The following TMCC1 variants were observed in gnomAD, a reference collection of about 807,000 sequenced individuals.
The protein encoded by TMCC1 is transmembrane and coiled-coil domain family 1.
Under a neutral mutation model 52.4 loss-of-function variants are expected in TMCC1, and 15 were observed. The ratio of observed to expected loss-of-function variants is 0.29; its 90% CI spans 0.19 to 0.44. The LOEUF (loss-of-function observed/expected upper bound fraction) is 0.44. Ranked by LOEUF, TMCC1 falls within the 20% of genes least tolerant of loss-of-function variation. TMCC1 has a pLI of 1.00. For synonymous variants in TMCC1, 279 were observed against 301.9 expected, an observed-to-expected ratio of 0.92 and a Z score of 0.79; for missense variants, 503 against 806.0, an observed-to-expected ratio of 0.62 and a Z score of 4.55.
chr3:129,875,285 C>T (rs867242570), intron 2 of TMCC1, among the ~76,000 whole-genome samples: 11 of 151,550 alleles, frequency 7.3e-5, no homozygotes, highest in South Asian at 2.1e-4. Context: ...GTCAGGAGTT[C>T]GAAACCAGCC....
chr3:129,791,536 A>T (rs7375000), intron 4 of TMCC1, among the ~76,000 whole-genome samples: 131,903 of 152,170 alleles, frequency 0.87, 57,864 homozygotes, highest in East Asian at 1. Flanking sequence ...AATGATAAAA[A>T]ACAAGCTGAT....
intron 2 of TMCC1, among the ~76,000 whole-genome samples, chr3:129,866,210 G>T (rs892978986): frequency 1.4e-5 from 2 of 148,102 alleles, no homozygotes; most frequent in Non-Finnish European, 3.0e-5. Flanking sequence ...TTTCCTAATG[G>T]TGTACAAAGA....
intron 4 of TMCC1, among the ~76,000 whole-genome samples, chr3:129,802,253 C>G (rs1055962061): frequency 6.6e-6 from 1 of 152,102 alleles, no homozygotes; most frequent in Non-Finnish European, 1.5e-5. Flanking sequence ...AGGACAAAAC[C>G]AAATGTCTTA....
intron 4 of TMCC1, among the ~76,000 whole-genome samples, chr3:129,680,109 T>TAA (rs1193480449): frequency 1.3e-5 from 2 of 152,214 alleles, no homozygotes; most frequent in Non-Finnish European, 2.9e-5. Context: ...CTTGCATGAA[T>TAA]TGCCCTAAAA....
intron 5 of TMCC1, among the ~76,000 whole-genome samples, chr3:129,664,993 A>G: frequency 6.6e-6 from 1 of 152,214 alleles, no homozygotes; most frequent in East Asian, 1.9e-4. Flanking sequence ...AGTACTGTGA[A>G]CCCAGCTGCC....
intron 4 of TMCC1, 32 bp downstream of exon 4, chr3:129,827,771 G>A (rs1307450230): frequency 6.3e-7 from 1 of 1,597,046 alleles, no homozygotes; most frequent in Admixed American, 1.7e-5. Flanking sequence ...AAAACAGTAA[G>A]TTAACAGAAA....
chr3:129,736,671 G>A (rs1382984704), intron 4 of TMCC1, among the ~76,000 whole-genome samples: 5 of 151,650 alleles, frequency 3.3e-5, no homozygotes, highest in African/African-American at 1.2e-4. Context: ...ACAGGCGCCC[G>A]CCACCACGCC....
chr3:129,779,930 C>T (rs1229878285), intron 4 of TMCC1, among the ~76,000 whole-genome samples: 4 of 152,126 alleles, frequency 2.6e-5, no homozygotes, highest in South Asian at 4.1e-4. Context: ...CACTTTAATC[C>T]TTAGCTGCCA....
At chr3:129,858,631 C>A (rs1261531822) in intron 2 of TMCC1, among the ~76,000 whole-genome samples, 2 of 152,144 alleles carry the variant, frequency 1.3e-5, no homozygotes, top group Admixed American at 1.3e-4. Flanking sequence ...CTCAGCCTCC[C>A]AAAGTGCTGG....
chr3:129,854,558 C>A (rs1300972877), intron 2 of TMCC1, among the ~76,000 whole-genome samples: 2 of 152,050 alleles, frequency 1.3e-5, no homozygotes, highest in Non-Finnish European at 2.9e-5. Flanking sequence ...AAACCATGAT[C>A]TTTTTCTCTC....
At chr3:129,813,206 G>A (rs554485814) in intron 4 of TMCC1, among the ~76,000 whole-genome samples, 151 of 152,266 alleles carry the variant, frequency 9.9e-4, no homozygotes, top group African/African-American at 3.4e-3. Flanking sequence ...CTTACACACT[G>A]CCAGTAGGAA....
At chr3:129,837,181 T>C (rs150277357) in intron 2 of TMCC1, among the ~76,000 whole-genome samples, 4 of 151,954 alleles carry the variant, frequency 2.6e-5, no homozygotes, top group Admixed American at 2.0e-4. Flanking sequence ...AAGAAGGGAA[T>C]AGTCTTCTGA....
intron 4 of TMCC1, among the ~76,000 whole-genome samples, chr3:129,805,004 G>T (rs1437695873): frequency 6.6e-6 from 1 of 152,034 alleles, no homozygotes; most frequent in Non-Finnish European, 1.5e-5. Flanking sequence ...GCCAAAAACT[G>T]CTCCAGTATT....
At chr3:129,721,801 A>G (rs1576580324) in intron 4 of TMCC1, among the ~76,000 whole-genome samples, 1 of 151,690 alleles carries the variant, frequency 6.6e-6, no homozygotes. Flanking sequence ...GCGTGAACCC[A>G]GGAGGCAGAG....
chr3:129,821,249 C>T (rs2058405136), intron 4 of TMCC1, among the ~76,000 whole-genome samples: 3 of 151,510 alleles, frequency 2.0e-5, no homozygotes, highest in Non-Finnish European at 4.4e-5. Context: ...TGTACATGTG[C>T]AAAGAGCTTA....
intron 4 of TMCC1, among the ~76,000 whole-genome samples, chr3:129,741,925 T>C (rs555709397): frequency 6.6e-6 from 1 of 152,278 alleles, no homozygotes; most frequent in African/African-American, 2.4e-5. Context: ...ATAATTCACA[T>C]AATTTATCTA....
At chr3:129,739,834 G>T (rs1402284439) in intron 4 of TMCC1, among the ~76,000 whole-genome samples, 1 of 152,172 alleles carries the variant, frequency 6.6e-6, no homozygotes, top group African/African-American at 2.4e-5. Context: ...ATGGAAGAAA[G>T]AAATATTGCG....
chr3:129,853,595 T>A (rs1311877416), intron 2 of TMCC1, among the ~76,000 whole-genome samples: 8 of 149,402 alleles, frequency 5.4e-5, no homozygotes, highest in Admixed American at 2.0e-4. Flanking sequence ...AGCCACTGCA[T>A]TCCAGCCTGG....
intron 2 of TMCC1, among the ~76,000 whole-genome samples, chr3:129,837,483 A>G (rs2059212279): frequency 6.6e-6 from 1 of 152,174 alleles, no homozygotes; most frequent in Admixed American, 6.6e-5. Context: ...TAAACATCAA[A>G]CACAGCCCAA....
Sources: gnomAD v4.1 joint callset for allele counts (sites outside exome capture counted in the v4.1 genomes callset) on GRCh38, gnomAD v4.1.1 for gene constraint, MANE v1.5 for transcripts, NCBI Gene and HGNC (gene_info 2026-07-23, HGNC 2026-07-21) for gene names.